Variants in L3MBTL4 observed in about 807,000 individuals in gnomAD.
L3MBTL4 encodes the protein lethal(3)malignant brain tumor-like protein 4.
A neutral mutation model predicts 84.5 loss-of-function variants in L3MBTL4; 70 were observed. That is an observed-to-expected ratio of 0.83 (90% confidence interval 0.68 to 1.01). L3MBTL4 has a LOEUF of 1.01. Ranked by LOEUF, L3MBTL4 falls within the 50% of genes least tolerant of loss-of-function variation. The pLI is 0.00. For synonymous variants in L3MBTL4, 274 were observed against 259.8 expected (o/e 1.05, Z -0.52); for missense variants, 715 against 754.8 (o/e 0.95, Z 0.62).
intron 12 of L3MBTL4, among the ~76,000 whole-genome samples, chr18:6,196,379 G>T (rs756291169): frequency 1.2e-4 from 18 of 152,136 alleles, no homozygotes; most frequent in South Asian, 2.1e-4. Flanking sequence ...GGATGGTCTT[G>T]ATCTCCTGAC....
chr18:6,251,479 G>T (rs1158731070), intron 5 of L3MBTL4, among the ~76,000 whole-genome samples: 1 of 152,150 alleles, frequency 6.6e-6, no homozygotes, highest in Non-Finnish European at 1.5e-5. Flanking sequence ...ACTGTTTTAA[G>T]TACTTACAAA....
intron 12 of L3MBTL4, among the ~76,000 whole-genome samples, chr18:6,174,770 A>T (rs1479995147): frequency 6.6e-6 from 1 of 151,892 alleles, no homozygotes; most frequent in Non-Finnish European, 1.5e-5. Flanking sequence ...TGGGAGGCTG[A>T]AGCACAAGGA....
At chr18:6,291,910 A>T (rs903033250) in intron 4 of L3MBTL4, among the ~76,000 whole-genome samples, 2 of 152,222 alleles carry the variant, frequency 1.3e-5, no homozygotes, top group Admixed American at 1.3e-4. Context: ...AAGTGAAGAG[A>T]CAACCCACAG....
At chr18:6,353,392 G>A (rs939999434) in intron 1 of L3MBTL4, among the ~76,000 whole-genome samples, 1 of 152,036 alleles carries the variant, frequency 6.6e-6, no homozygotes, top group African/African-American at 2.4e-5. Flanking sequence ...GATAAGGCAA[G>A]AATTCTGTGG....
rs193204865 is a variant in L3MBTL4, at chr18:6,184,525, T to C, written c.982-12583A>G. On this transcript the variant is annotated intron_variant, in intron 12 of 18. Transcript: ENST00000317931. ...TTTATCCATTTCTTTTACAGACTTATCTATCTTTTCAATTACCAACATTGT... is the reference window on the plus strand; with the variant it reads ...TTTATCCATTTCTTTTACAGACTTACCTATCTTTTCAATTACCAACATTGT... Among the ~76,000 whole-genome samples, 103 of 152,338 alleles carry C rather than the reference T, an allele frequency of 6.8e-4. 1 individual carries two copies. Among genetic ancestry groups the C allele is most frequent in the African/African-American group, 2.1e-3 (88 of 41,586 alleles).
intron 14 of L3MBTL4, among the ~76,000 whole-genome samples, chr18:6,097,378 C>T (rs1384980791): frequency 1.3e-5 from 2 of 152,162 alleles, no homozygotes; most frequent in Non-Finnish European, 2.9e-5. Context: ...TTTATTCATT[C>T]TAAGAGCAGC....
At chr18:6,159,954 A>G (rs1035247826) in intron 13 of L3MBTL4, among the ~76,000 whole-genome samples, 7 of 152,234 alleles carry the variant, frequency 4.6e-5, no homozygotes, top group Admixed American at 4.6e-4. Context: ...CAAATATTTT[A>G]TTCTGCATTG....
intron 11 of L3MBTL4, 142 bp from the exon 12 acceptor site, chr18:6,213,401 TTTTTTG>T (rs566073115): frequency 8.7e-6 from 5 of 571,796 alleles, no homozygotes; most frequent in South Asian, 5.3e-5. Context: ...TTTGTTTTGC[TTTTTTG>T]TTTTTGTTTT....
At chr18:6,200,289 A>C (rs2045595590) in intron 12 of L3MBTL4, among the ~76,000 whole-genome samples, 1 of 152,232 alleles carries the variant, frequency 6.6e-6, no homozygotes. Context: ...ATGCTCGTAC[A>C]CTGATAAGCA....
At chr18:6,325,662 G>T (rs976107318) in intron 1 of L3MBTL4, among the ~76,000 whole-genome samples, 1 of 152,188 alleles carries the variant, frequency 6.6e-6, no homozygotes, top group Non-Finnish European at 1.5e-5. Context: ...AGCAGTTGGG[G>T]AGGAAAATTA....
intron 1 of L3MBTL4, among the ~76,000 whole-genome samples, chr18:6,318,869 C>T (rs918136276): frequency 2.0e-5 from 3 of 152,024 alleles, no homozygotes; most frequent in Admixed American, 2.0e-4. Context: ...CAAGATAGAC[C>T]ATATAACAGG....
At chr18:6,334,498 A>G (rs1205354779) in intron 1 of L3MBTL4, among the ~76,000 whole-genome samples, 1 of 152,212 alleles carries the variant, frequency 6.6e-6, no homozygotes, top group Non-Finnish European at 1.5e-5. Context: ...TCTCTTAAAT[A>G]TGTTCAAAAA....
intron 17 of L3MBTL4, among the ~76,000 whole-genome samples, chr18:5,965,398 C>T (rs12968128): frequency 0.33 from 50,128 of 152,016 alleles, 8,837 homozygotes; most frequent in East Asian, 0.4. Context: ...GCTGCAGACA[C>T]GCTGTTTTAA....
At chr18:6,111,724 T>C (rs1191533181) in intron 14 of L3MBTL4, among the ~76,000 whole-genome samples, 4 of 152,172 alleles carry the variant, frequency 2.6e-5, no homozygotes, top group African/African-American at 7.2e-5. Flanking sequence ...TATATAGATG[T>C]ATATACATAT....
At chr18:6,025,933 T>G (rs969551084) in intron 16 of L3MBTL4, among the ~76,000 whole-genome samples, 2 of 152,242 alleles carry the variant, frequency 1.3e-5, no homozygotes, top group Non-Finnish European at 2.9e-5. Context: ...GGCCTGTAGG[T>G]TGGGGACCCC....
chr18:6,400,663 T>C (rs1405222567), intron 1 of L3MBTL4, among the ~76,000 whole-genome samples: 2 of 152,220 alleles, frequency 1.3e-5, no homozygotes, highest in Non-Finnish European at 2.9e-5. Flanking sequence ...CTATCTGTCT[T>C]GGCCTCCCAA....
At chr18:6,091,624 T>C (rs769199378) in intron 15 of L3MBTL4, among the ~76,000 whole-genome samples, 5 of 152,158 alleles carry the variant, frequency 3.3e-5, no homozygotes, top group Non-Finnish European at 7.3e-5. Context: ...ACGTAACAAT[T>C]AGTTTAAAAG....
At chr18:6,001,355 T>G (rs772714622) in intron 16 of L3MBTL4, among the ~76,000 whole-genome samples, 16 of 152,146 alleles carry the variant, frequency 1.1e-4, no homozygotes, top group Non-Finnish European at 1.8e-4. Context: ...ATTTAGTAAG[T>G]CACCATGCAC....
chr18:6,215,453 A>T (rs2046283528), intron 11 of L3MBTL4, among the ~76,000 whole-genome samples: 1 of 152,216 alleles, frequency 6.6e-6, no homozygotes, highest in Non-Finnish European at 1.5e-5. Flanking sequence ...CACTCAGCAG[A>T]CTAATAGAAC....
Sources: allele counts gnomAD v4.1 joint callset (sites outside exome capture counted in the v4.1 genomes callset), GRCh38; gene constraint gnomAD v4.1.1; transcripts MANE v1.5; gene names NCBI Gene and HGNC (gene_info 2026-07-23, HGNC 2026-07-21).